Variants in GALNT17 observed in about 807,000 individuals in gnomAD.
GALNT17 encodes UDP-GalNAc:polypeptide N-acetylgalactosaminyltransferase-like 3.
A neutral mutation model predicts 63.7 loss-of-function variants in GALNT17; 29 were observed. The observed-to-expected ratio is 0.46, with a 90% CI of 0.34 to 0.62. The LOEUF (loss-of-function observed/expected upper bound fraction) is 0.62. GALNT17 is among the 20% of genes least tolerant of loss of function. The pLI, the probability that GALNT17 is intolerant of heterozygous loss-of-function variation, is 0.01. For synonymous variants in GALNT17, 305 were observed against 318.3 expected (o/e 0.96, Z 0.45); for missense variants, 603 against 799.6 (o/e 0.75, Z 2.97).
intron 6 of GALNT17, among the ~76,000 whole-genome samples, chr7:71,604,697 G>T (rs535575885): frequency 6.6e-6 from 1 of 152,242 alleles, no homozygotes; most frequent in South Asian, 2.1e-4. Context: ...CAGGGCATTG[G>T]TTCTGTTCGC....
intron 1 of GALNT17, among the ~76,000 whole-genome samples, chr7:71,226,500 C>A (rs1006727565): frequency 1.5e-4 from 22 of 151,090 alleles, no homozygotes; most frequent in African/African-American, 5.1e-4. Flanking sequence ...TTTCTTTTTT[C>A]TTTTTCTTTG....
intron 5 of GALNT17, among the ~76,000 whole-genome samples, chr7:71,475,671 G>T (rs1787710857): frequency 6.6e-6 from 1 of 152,130 alleles, no homozygotes; most frequent in Non-Finnish European, 1.5e-5. Flanking sequence ...TGGGGTTGGG[G>T]TCCCCTGCTT....
chr7:71,426,446 A>C (rs745327143), intron 5 of GALNT17, among the ~76,000 whole-genome samples: 5 of 152,180 alleles, frequency 3.3e-5, no homozygotes, highest in Non-Finnish European at 7.4e-5. Context: ...CCTTTCTGTT[A>C]GGCGGTTCTT....
In GALNT17 at chr7:71,712,094, T is replaced by G; in HGVS notation, c.1745T>G (p.Ile582Ser). 6.2e-7 allele frequency: 1 copy of G among 1,614,034 alleles called. No individual in the cohort carries two copies. Among genetic ancestry groups the G allele is most frequent in the Non-Finnish European group, 8.5e-7 (1 of 1,179,982 alleles). Reference sequence around the variant, plus strand: ...CGGGGCCTGGCTGGCATCGACCTCATCCTCCGCAGCTGCACAGGTCAGAGG... The same window carrying G: ...CGGGGCCTGGCTGGCATCGACCTCAGCCTCCGCAGCTGCACAGGTCAGAGG... ...ENRGLAGIDLILRSCTGQRWT... is the reference protein window; with the variant it reads ...ENRGLAGIDLSLRSCTGQRWT... Residue 582 changes from isoleucine (I) to serine (S), a missense_variant, in exon 11 of 11, where the codon ATC becomes AGC. This residue lies in a region of GALNT17 where 72 missense variants were observed against 76.9 expected (regional missense o/e 0.94). Transcript: ENST00000333538.
chr7:71,313,726 G>T (rs1206026107), intron 1 of GALNT17, among the ~76,000 whole-genome samples: 1 of 152,124 alleles, frequency 6.6e-6, no homozygotes, highest in Non-Finnish European at 1.5e-5. Flanking sequence ...TGACTCAGAG[G>T]TTCTCTGAGT....
chr7:71,572,236 T>G (rs1186181422), intron 6 of GALNT17, among the ~76,000 whole-genome samples: 4 of 146,566 alleles, frequency 2.7e-5, no homozygotes, highest in African/African-American at 1.0e-4. Context: ...AAAAAAAAGC[T>G]CATATATATA....
chr7:71,200,156 CAAG>C (rs1400645542), intron 1 of GALNT17, among the ~76,000 whole-genome samples: 3 of 152,014 alleles, frequency 2.0e-5, no homozygotes, highest in Admixed American at 1.3e-4. Flanking sequence ...GTGGTGATGA[CAAG>C]AAGGTTTCCT....
chr7:71,452,945 TA>T (rs1352952661), intron 5 of GALNT17, among the ~76,000 whole-genome samples: 3 of 152,232 alleles, frequency 2.0e-5, no homozygotes, highest in African/African-American at 7.2e-5. Flanking sequence ...TTGGTGATTC[TA>T]CCTAGATCCT....
chr7:71,695,577 G>A (rs1365459869), intron 9 of GALNT17, among the ~76,000 whole-genome samples: 1 of 152,186 alleles, frequency 6.6e-6, no homozygotes, highest in East Asian at 1.9e-4. Flanking sequence ...TGTGCAATCT[G>A]ATGAGTTTTG....
At chr7:71,495,683 G>A (rs1043231163) in intron 5 of GALNT17, among the ~76,000 whole-genome samples, 2 of 152,168 alleles carry the variant, frequency 1.3e-5, no homozygotes, top group African/African-American at 4.8e-5. Flanking sequence ...CTCATTCCCA[G>A]TAACTGGAGG....
chr7:71,643,708 C>G (rs1790635542), intron 6 of GALNT17, among the ~76,000 whole-genome samples: 1 of 152,150 alleles, frequency 6.6e-6, no homozygotes, highest in African/African-American at 2.4e-5. Context: ...CAGCAGAAGG[C>G]AGCAGGTAGG....
chr7:71,243,872 A>G (rs1790047610), intron 1 of GALNT17, among the ~76,000 whole-genome samples: 1 of 152,348 alleles, frequency 6.6e-6, no homozygotes, highest in East Asian at 1.9e-4. Flanking sequence ...GAATTTGGCC[A>G]TGATGAGGTC....
At chr7:71,140,590 C>T (rs532064818) in intron 1 of GALNT17, among the ~76,000 whole-genome samples, 4 of 152,256 alleles carry the variant, frequency 2.6e-5, no homozygotes, top group South Asian at 4.1e-4. Context: ...AAATCTGGAG[C>T]GTCCTTTGTG....
At chr7:71,524,248 A>ATATTATATTATATATAAT (rs1562675611) in intron 5 of GALNT17, among the ~76,000 whole-genome samples, 22 of 147,254 alleles carry the variant, frequency 1.5e-4, no homozygotes, top group African/African-American at 5.0e-4. Flanking sequence ...TATAATAATA[A>ATATTATATTATATATAAT]TATATATTAT....
At chr7:71,651,342 C>T (rs1186216739) in intron 6 of GALNT17, among the ~76,000 whole-genome samples, 5 of 146,278 alleles carry the variant, frequency 3.4e-5, no homozygotes, top group Non-Finnish European at 6.0e-5. Context: ...CTTCCTCTGT[C>T]GCCAGGCTAG....
At chr7:71,466,694 CCTCATCTTGA>C (rs2116599099) in intron 5 of GALNT17, among the ~76,000 whole-genome samples, 1 of 152,278 alleles carries the variant, frequency 6.6e-6, no homozygotes, top group East Asian at 1.9e-4. Flanking sequence ...CTTCCACAGT[CCTCATCTTGA>C]CTCAAGCATT....
intron 9 of GALNT17, among the ~76,000 whole-genome samples, chr7:71,686,841 C>T (rs1040079503): frequency 6.6e-6 from 1 of 152,150 alleles, no homozygotes; most frequent in African/African-American, 2.4e-5. Context: ...GACTCACTGC[C>T]CCTCCACAGC....
chr7:71,577,834 T>A (rs1382314747), intron 6 of GALNT17, among the ~76,000 whole-genome samples: 1 of 151,922 alleles, frequency 6.6e-6, no homozygotes, highest in Non-Finnish European at 1.5e-5. Flanking sequence ...AGGACTCAGG[T>A]GGAGACATGG....
intron 5 of GALNT17, among the ~76,000 whole-genome samples, chr7:71,529,681 T>A (rs971469515): frequency 1.3e-5 from 2 of 152,216 alleles, no homozygotes; most frequent in Admixed American, 1.3e-4. Flanking sequence ...TTCTTTATTT[T>A]TTCTTTGCAT....
Sources: allele counts gnomAD v4.1 joint callset (sites outside exome capture counted in the v4.1 genomes callset), GRCh38; gene constraint gnomAD v4.1.1; regional missense constraint gnomAD v4.1.1; transcripts MANE v1.5; gene names NCBI Gene and HGNC (gene_info 2026-07-23, HGNC 2026-07-21).